ZNF682: variants seen among roughly 807,000 people sequenced by gnomAD.
The protein encoded by ZNF682 is zinc finger protein 682.
A neutral mutation model predicts 36.5 loss-of-function variants in ZNF682; 29 were observed. The observed-to-expected ratio is 0.80, with a 90% confidence interval of 0.59 to 1.08. The LOEUF (loss-of-function observed/expected upper bound fraction) is 1.08. ZNF682 is among the 50% of genes least tolerant of loss of function. The pLI, the probability that ZNF682 is intolerant of heterozygous loss-of-function variation, is 0.00. For synonymous variants in ZNF682, 180 were observed against 197.0 expected (o/e 0.91, Z 0.72); for missense variants, 561 against 579.7 (o/e 0.97, Z 0.33).
intron 1 of ZNF682, among the ~76,000 whole-genome samples, chr19:20,036,814 G>GAAA (rs869238931): frequency 0.014 from 284 of 19,884 alleles, 5 homozygotes; most frequent in African/African-American, 0.038. Flanking sequence ...AAAAAAAAAA[G>GAAA]AAAAAAAAAA....
chr19:20,037,894 CCTGATTT>C (rs1232785817), intron 1 of ZNF682, among the ~76,000 whole-genome samples: 1 of 152,190 alleles, frequency 6.6e-6, no homozygotes, highest in African/African-American at 2.4e-5. Context: ...GAAAGGTATA[CCTGATTT>C]CTCCCAGGCA....
rs544490486 is a variant in ZNF682 at position 20,005,688 on chromosome 19, G to C, written c.*317C>G. ...TTGTGTACTCTAAGGCTTTTATTTG[G>C]TGACATCTTTCCACAGATAAATGTA... On this transcript the variant is annotated 3_prime_UTR_variant, in exon 4 of 4. Transcript: ENST00000397165. 1.8e-4 allele frequency: 51 copies of C among 285,280 alleles called. No homozygotes were observed. The highest frequency in any genetic ancestry group is 9.4e-4 in the African/African-American group (43 of 45,926). 17.7% of individuals were successfully genotyped at this position (285,280 alleles called of 1,614,324 possible). A position where few individuals can be genotyped will look rare whatever the true frequency, so the allele number is the denominator to read the frequency against.
intron 1 of ZNF682, 140 bp from the exon 2 acceptor site, chr19:20,024,516 T>C (rs1156846160): frequency 5.7e-6 from 6 of 1,050,210 alleles, no homozygotes; most frequent in Admixed American, 2.9e-5. Context: ...TATTCTCTGA[T>C]GTATTCTCTA....
intron 1 of ZNF682, among the ~76,000 whole-genome samples, chr19:20,027,654 G>A (rs1568545556): frequency 6.6e-6 from 1 of 152,184 alleles, no homozygotes; most frequent in African/African-American, 2.4e-5. Flanking sequence ...AGCTACTTGG[G>A]AGGCTGAGGC....
chr19:20,022,647 G>A (rs111862864), intron 3 of ZNF682, among the ~76,000 whole-genome samples: 194 of 151,794 alleles, frequency 1.3e-3, no homozygotes, highest in Non-Finnish European at 1.8e-3. Flanking sequence ...TGGGCAACAC[G>A]AGCGAAACTC....
At chr19:20,017,675 T>C (rs1195367466) in intron 3 of ZNF682, among the ~76,000 whole-genome samples, 1 of 151,782 alleles carries the variant, frequency 6.6e-6, no homozygotes, top group Non-Finnish European at 1.5e-5. Context: ...AATAAGAAAA[T>C]AAAAAACTTA....
In ZNF682 at chr19:20,006,760, T is replaced by A. The variant is rs759969363; in HGVS notation, c.742A>T (p.Lys248Ter). ...GGTTTCTCACCAGTATGGATTCTCT[T>A]ATGTTTAGTAAGACTCGAGCACCAG... ...FNWCSSLTKHKRIHTGEKPYK... is the reference protein window; with the variant it reads ...FNWCSSLTKH Residue 248 changes from lysine (K) to a stop codon, truncating the protein, a stop_gained, in exon 4 of 4, where the codon AAG becomes TAG. Transcript: ENST00000397165. LOFTEE classifies it high-confidence loss of function. The A allele has an allele frequency of 1.9e-6, 3 of 1,613,996 alleles. No individual in the cohort carries two copies. The Admixed American group carries it at 5.0e-5, about 27-fold the overall frequency.
Position 20,006,086 on chromosome 19 carries a change from CTT to C in ZNF682, c.1414_1415del (p.Lys472GlufsTer12). On this transcript the variant is annotated frameshift_variant, in exon 4 of 4. Coordinates refer to ENST00000397165, the MANE Select transcript of ZNF682 (RefSeq NM_033196.3). LOFTEE classifies it high-confidence loss of function. ...AGGATTTCTCTCCTCTTTGAACTCTCTTATGTTCATTAAGATGTGAGCACCGT... is the reference window on the plus strand; with the variant it reads ...AGGATTTCTCTCCTCTTTGAACTCTCATGTTCATTAAGATGTGAGCACCGT... ...FKRCSHLNEHKRVQRGEKSCK... is the reference protein window; with the variant it reads ...FKRCSHLNEHXRVQRGEKSCK... 1 of 1,614,036 alleles carries C rather than the reference CTT, an allele frequency of 6.2e-7. No individual in the cohort carries two copies. Among genetic ancestry groups the C allele is most frequent in the Non-Finnish European group, 8.5e-7 (1 of 1,179,976 alleles).
intron 3 of ZNF682, chr19:19,997,329 T>C: frequency 2.5e-6 from 1 of 398,532 alleles, no homozygotes; most frequent in East Asian, 3.6e-5. Flanking sequence ...GCAAAGCCTT[T>C]TCATACCTCA....
chr19:19,997,188 T>TC (rs1166267205), exon 4 of ZNF682: 2 of 398,712 alleles, frequency 5.0e-6, no homozygotes, highest in African/African-American at 4.1e-5. Flanking sequence ...TCCAGGGTTC[T>TC]CCATCAGCTG....
In ZNF682 at chr19:20,006,521, T is replaced by C; in HGVS notation, c.981A>G (p.Leu327=). ...ECGKAFNHCS[L]LTIHERTHTG... ...TATGGGTTCTCTCATGTATAGTAAG[T>C]AGTGAGCAGTGGTTAAAGGCTTTCC... Residue 327 remains leucine, a synonymous_variant, in exon 4 of 4, where the codon CTA becomes CTG. Coordinates refer to ENST00000397165, the MANE Select transcript of ZNF682 (RefSeq NM_033196.3). The C allele has an allele frequency of 6.2e-7, 1 of 1,613,772 alleles. No homozygotes were observed. The highest frequency in any genetic ancestry group is 8.5e-7 in the Non-Finnish European group (1 of 1,179,906).
rs1555787422 is a variant in ZNF682 at position 20,024,379 on chromosome 19, G to A, written c.4-3C>T. On this transcript the variant is annotated splice_region_variant and splice_polypyrimidine_tract_variant and intron_variant, in intron 1 of 3. Transcript: ENST00000397165. ...ACATCCCTGAATGTCAACAGTTCCT[G>A]AAAAACAAAACAAAACATAGTGACC... 1 of 1,604,894 alleles carries A rather than the reference G, an allele frequency of 6.2e-7. No homozygotes were observed.
chr19:20,006,910 C>G lies in ZNF682; in HGVS notation c.592G>C (p.Glu198Gln), dbSNP rs1286603555. ...LSYHKIIHTE[E>Q]KLCICEECGK... The stretch of plus-strand genomic sequence containing the variant: ...CATTCCTCACATATGCAGAGTTTCT[C>G]TTCAGTGTGAATTATCTTATGATAA... Residue 198 changes from glutamate to glutamine, a missense_variant, in exon 4 of 4, where the codon GAG becomes CAG. Coordinates refer to ENST00000397165, the MANE Select transcript of ZNF682 (RefSeq NM_033196.3). 6 of 1,613,966 alleles carry G rather than the reference C, an allele frequency of 3.7e-6. No homozygotes were observed. In the South Asian group the frequency reaches 6.6e-5, roughly 18 times the overall value.
intron 3 of ZNF682, among the ~76,000 whole-genome samples, chr19:20,022,513 C>G (rs2088394726): frequency 6.6e-6 from 1 of 151,640 alleles, no homozygotes; most frequent in Non-Finnish European, 1.5e-5. Flanking sequence ...ACTAAAAATA[C>G]AAAATTAGCT....
At chr19:20,035,611 T>C (rs1318940339) in intron 1 of ZNF682, among the ~76,000 whole-genome samples, 3 of 152,220 alleles carry the variant, frequency 2.0e-5, no homozygotes, top group Non-Finnish European at 4.4e-5. Flanking sequence ...GAAAATTATC[T>C]GTAATATTAA....
At chr19:20,008,279 G>A (rs2088247985) in intron 3 of ZNF682, 1 of 152,268 alleles carries the variant, frequency 6.6e-6, no homozygotes, top group Admixed American at 6.5e-5. Flanking sequence ...ACCAGTCATG[G>A]TTTCCATCCC....
intron 3 of ZNF682, among the ~76,000 whole-genome samples, chr19:20,020,727 A>C (rs2088375955): frequency 6.6e-6 from 1 of 152,168 alleles, no homozygotes; most frequent in African/African-American, 2.4e-5. Flanking sequence ...ATTCAGCCAT[A>C]AAAAAATCAT....
Position 20,016,002 on chromosome 19 carries a change from G to A in ZNF682, c.226+7002C>T, listed in dbSNP as rs191521814. On this transcript the variant is annotated intron_variant, in intron 3 of 3. Coordinates refer to ENST00000397165, the MANE Select transcript of ZNF682 (RefSeq NM_033196.3). ...TGAAAATGCAAAGAAAGCTTTTTAC[G>A]TGCAGGCAACTTAATTATACAAACT... Among the ~76,000 whole-genome samples the A allele has an allele frequency of 5.9e-5, 9 of 152,224 alleles. No individual in the cohort carries two copies. In the South Asian group the frequency reaches 8.3e-4, roughly 14 times the overall value.
intron 3 of ZNF682, chr19:20,007,493 A>C (rs1160613355): frequency 6.4e-6 from 3 of 471,926 alleles, no homozygotes; most frequent in African/African-American, 2.0e-5. Context: ...GTAATGCAGA[A>C]ACTGTGGTTG....
Sources: allele counts gnomAD v4.1 joint callset (sites outside exome capture counted in the v4.1 genomes callset), GRCh38; gene constraint gnomAD v4.1.1; transcripts MANE v1.5; gene names NCBI Gene and HGNC (gene_info 2026-07-23, HGNC 2026-07-21).